The following SLC38A4 variants were observed in gnomAD, a reference collection of about 807,000 sequenced individuals.
SLC38A4 encodes the protein solute carrier family 38 member 4.
A neutral mutation model predicts 63.1 loss-of-function variants in SLC38A4; 20 were observed. The ratio of observed to expected loss-of-function variants is 0.32; its 90% CI spans 0.22 to 0.46. The LOEUF (loss-of-function observed/expected upper bound fraction) is 0.46, where lower values mean the gene tolerates loss of function less well. Ranked by LOEUF, SLC38A4 falls within the 20% of genes least tolerant of loss-of-function variation. SLC38A4 has a pLI of 1.00. For missense variants in SLC38A4, 526 were observed against 663.6 expected (o/e 0.79, Z 2.28); for synonymous variants, 230 against 225.5 (o/e 1.02, Z -0.18).
chr12:46,790,803 G>A (rs1173810487), intron 3 of SLC38A4, among the ~76,000 whole-genome samples: 2 of 152,112 alleles, frequency 1.3e-5, no homozygotes, highest in Non-Finnish European at 2.9e-5. Context: ...AACCCAGCAT[G>A]TATTGAAAAC....
In SLC38A4 at chr12:46,784,781, A is replaced by C. The variant is rs1299219845; in HGVS notation, c.401-147T>G. On this transcript the variant is annotated intron_variant, in intron 6 of 16. Transcript: ENST00000266579. ...CCCAAAAGATGCAACCTCAAAAACC[A>C]ATAAGCAATATATCAAAATGTTCTC... 7.9e-6 allele frequency: 5 copies of C among 629,218 alleles called. No homozygotes were observed. In the Admixed American group the frequency reaches 1.6e-4, roughly 20 times the overall value. 39.0% of individuals were successfully genotyped at this position (629,218 alleles called of 1,614,324 possible).
intron 1 of SLC38A4, among the ~76,000 whole-genome samples, chr12:46,809,718 G>A (rs1939303266): frequency 6.6e-6 from 1 of 152,052 alleles, no homozygotes; most frequent in African/African-American, 2.4e-5. Flanking sequence ...AATAAATTCA[G>A]AATAGAATGC....
intron 14 of SLC38A4, among the ~76,000 whole-genome samples, chr12:46,774,461 G>A (rs1189591538): frequency 6.6e-6 from 1 of 152,016 alleles, no homozygotes; most frequent in Non-Finnish European, 1.5e-5. Context: ...AATGACAAAT[G>A]CCAGGGAGGG....
chr12:46,768,273 AC>A, intron 16 of SLC38A4, 36 bp downstream of exon 16: 1 of 1,421,878 alleles, frequency 7.0e-7, no homozygotes, highest in Middle Eastern at 2.0e-4. Context: ...AGTTGGAAGA[AC>A]AACTAATAAT....
intron 1 of SLC38A4, among the ~76,000 whole-genome samples, chr12:46,805,961 A>G (rs1420139844): frequency 6.6e-6 from 1 of 151,864 alleles, no homozygotes; most frequent in Non-Finnish European, 1.5e-5. Context: ...GAACCTACTT[A>G]GTGTCAGCAG....
chr12:46,774,992 C>A, intron 14 of SLC38A4, 57 bp downstream of exon 14: 1 of 1,582,792 alleles, frequency 6.3e-7, no homozygotes, highest in Non-Finnish European at 8.6e-7. Flanking sequence ...AGGTAGAACA[C>A]ATGTACTAAT....
At chr12:46,775,435 A>C (rs1308648886) in intron 13 of SLC38A4, among the ~76,000 whole-genome samples, 1 of 152,036 alleles carries the variant, frequency 6.6e-6, no homozygotes, top group Non-Finnish European at 1.5e-5. Flanking sequence ...TGATAAATCT[A>C]TCTCCGCTGT....
intron 3 of SLC38A4, among the ~76,000 whole-genome samples, chr12:46,791,566 G>A (rs143291145): frequency 3.3e-5 from 5 of 152,224 alleles, no homozygotes; most frequent in African/African-American, 9.6e-5. Flanking sequence ...TCTATTTCAC[G>A]CCTAGATTTG....
At chr12:46,769,208 C>T in intron 15 of SLC38A4, 76 bp downstream of exon 15, 1 of 1,521,924 alleles carries the variant, frequency 6.6e-7, no homozygotes, top group East Asian at 2.3e-5. Flanking sequence ...CTGGATGACC[C>T]AGCACTGGTT....
chr12:46,816,748 T>C (rs557970904), intron 1 of SLC38A4, among the ~76,000 whole-genome samples: 1 of 152,042 alleles, frequency 6.6e-6, no homozygotes, highest in South Asian at 2.1e-4. Flanking sequence ...TGTATTCACA[T>C]GGCTACTGAA....
intron 16 of SLC38A4, among the ~76,000 whole-genome samples, chr12:46,767,436 T>A (rs1330007079): frequency 6.6e-6 from 1 of 152,052 alleles, no homozygotes; most frequent in Non-Finnish European, 1.5e-5. Context: ...AGGAGATAAT[T>A]GTACTCATTT....
intron 14 of SLC38A4, 103 bp downstream of exon 14, chr12:46,774,946 C>CA: frequency 9.0e-6 from 12 of 1,326,914 alleles, no homozygotes; most frequent in Non-Finnish European, 1.1e-5. Flanking sequence ...TCAGGCATTG[C>CA]AATTGCAAAC....
intron 1 of SLC38A4, among the ~76,000 whole-genome samples, chr12:46,813,052 C>A (rs1939371415): frequency 6.6e-6 from 1 of 151,802 alleles, no homozygotes; most frequent in Admixed American, 6.6e-5. Flanking sequence ...CTATTATGCA[C>A]CCAGAATGGT....
intron 2 of SLC38A4, among the ~76,000 whole-genome samples, chr12:46,794,332 G>C (rs147657195): frequency 6.6e-6 from 1 of 152,072 alleles, no homozygotes; most frequent in African/African-American, 2.4e-5. Context: ...ACTAGCAAGA[G>C]TGCCAGTAGG....
At chr12:46,808,380 T>C (rs1258839871) in intron 1 of SLC38A4, among the ~76,000 whole-genome samples, 1 of 152,022 alleles carries the variant, frequency 6.6e-6, no homozygotes, top group Non-Finnish European at 1.5e-5. Context: ...TAATGGAGCA[T>C]TCTGGAAATG....
intron 1 of SLC38A4, among the ~76,000 whole-genome samples, chr12:46,814,447 T>A (rs1939397145): frequency 6.6e-6 from 1 of 151,998 alleles, no homozygotes; most frequent in Non-Finnish European, 1.5e-5. Context: ...AACATGCAAG[T>A]GTACTGGCAG....
At chr12:46,790,593 T>C (rs180722260) in intron 3 of SLC38A4, among the ~76,000 whole-genome samples, 239 of 152,318 alleles carry the variant, frequency 1.6e-3, no homozygotes, top group Non-Finnish European at 2.9e-3. Flanking sequence ...AACTCTGGAA[T>C]CTTTATTTTA....
intron 1 of SLC38A4, among the ~76,000 whole-genome samples, chr12:46,804,738 T>TA (rs1939197391): frequency 6.6e-6 from 1 of 152,092 alleles, no homozygotes; most frequent in African/African-American, 2.4e-5. Context: ...ATTGCAAACT[T>TA]ACTTTTACTT....
At chr12:46,787,131 T>C (rs1188674656) in intron 5 of SLC38A4, among the ~76,000 whole-genome samples, 1 of 152,182 alleles carries the variant, frequency 6.6e-6, no homozygotes, top group African/African-American at 2.4e-5. Context: ...TTGAACAAGT[T>C]TGGTGAAAGT....
Sources: gnomAD v4.1 joint callset for allele counts (sites outside exome capture counted in the v4.1 genomes callset) on GRCh38, gnomAD v4.1.1 for gene constraint, MANE v1.5 for transcripts, NCBI Gene and HGNC (gene_info 2026-07-23, HGNC 2026-07-21) for gene names.